The following AGBL4 variants were observed in gnomAD, a reference collection of about 807,000 sequenced individuals.
AGBL4 encodes the protein cytosolic carboxypeptidase 6.
Under a neutral mutation model 66.4 loss-of-function variants are expected in AGBL4, and 58 were observed. The ratio of observed to expected loss-of-function variants is 0.87; its 90% CI spans 0.71 to 1.09. AGBL4 has a LOEUF of 1.09. Among genes scored for constraint, AGBL4 ranks in the 50% least tolerant of loss-of-function variants. The probability of loss-of-function intolerance (pLI) is 0.00; values close to 1 mark genes in which losing one functional copy is unlikely to be tolerated. For synonymous variants in AGBL4, 234 were observed against 222.9 expected, an observed-to-expected ratio of 1.05 and a Z score of -0.44; for missense variants, 579 against 631.0, an observed-to-expected ratio of 0.92 and a Z score of 0.88.
chr1:49,251,306 G>A (rs1652041316), intron 3 of AGBL4, among the ~76,000 whole-genome samples: 1 of 152,156 alleles, frequency 6.6e-6, no homozygotes, highest in South Asian at 2.1e-4. Context: ...GTGTGTGTCT[G>A]CATGGGTGGA....
At position 49,354,644 on chromosome 1, in the gene AGBL4, C is replaced by T. The variant is rs540674510; in HGVS notation, c.283-108780G>A. ...CATGTAACATCTCTGATAGGTTCTTCGAAACTGTGACTTTAAGCAAAATGA... is the reference window on the plus strand; with the variant it reads ...CATGTAACATCTCTGATAGGTTCTTTGAAACTGTGACTTTAAGCAAAATGA... On this transcript the variant is annotated intron_variant, in intron 3 of 13. Transcript: ENST00000371839. Among the ~76,000 whole-genome samples, 37 of 152,216 alleles carry T rather than the reference C, an allele frequency of 2.4e-4. 1 individual carries two copies. Among genetic ancestry groups the T allele is most frequent in the African/African-American group, 7.7e-4 (32 of 41,532 alleles).
chr1:49,354,609 A>AT (rs1643980980), intron 3 of AGBL4, among the ~76,000 whole-genome samples: 1 of 152,244 alleles, frequency 6.6e-6, no homozygotes, highest in South Asian at 2.1e-4. Context: ...CCAAAAATAC[A>AT]GTAAAACCTC....
At chr1:48,710,577 T>A (rs970564378) in intron 6 of AGBL4, among the ~76,000 whole-genome samples, 3 of 152,164 alleles carry the variant, frequency 2.0e-5, no homozygotes, top group African/African-American at 7.2e-5. Context: ...CAGGGAGCCA[T>A]GGAAGGTTTA....
intron 11 of AGBL4, among the ~76,000 whole-genome samples, chr1:48,542,402 T>C (rs994067348): frequency 1.3e-5 from 2 of 152,232 alleles, no homozygotes; most frequent in African/African-American, 4.8e-5. Flanking sequence ...TTCTAGGTCC[T>C]TGAGGAATTG....
intron 3 of AGBL4, among the ~76,000 whole-genome samples, chr1:49,512,246 A>C (rs1247167702): frequency 6.6e-6 from 1 of 152,036 alleles, no homozygotes; most frequent in African/African-American, 2.4e-5. Context: ...CTGAGATTCA[A>C]AGTAAAGTGG....
intron 6 of AGBL4, among the ~76,000 whole-genome samples, chr1:48,811,333 G>T (rs1003253342): frequency 6.6e-6 from 1 of 152,162 alleles, no homozygotes; most frequent in Non-Finnish European, 1.5e-5. Flanking sequence ...GAGGAGAACT[G>T]CCCACAGTCA....
intron 5 of AGBL4, among the ~76,000 whole-genome samples, chr1:49,040,055 G>A (rs1643900206): frequency 6.6e-6 from 1 of 151,972 alleles, no homozygotes; most frequent in African/African-American, 2.4e-5. Context: ...AGACAGGCAT[G>A]GTTTGGAGGA....
chr1:49,258,257 C>T (rs188833989), intron 3 of AGBL4, among the ~76,000 whole-genome samples: 2 of 152,332 alleles, frequency 1.3e-5, no homozygotes, highest in East Asian at 3.9e-4. Flanking sequence ...GCCTCTCCTC[C>T]TCCAAAGGAA....
chr1:48,709,532 T>C (rs540862211), intron 6 of AGBL4, among the ~76,000 whole-genome samples: 2 of 151,944 alleles, frequency 1.3e-5, no homozygotes, highest in South Asian at 4.2e-4. Context: ...ACTTTACTTT[T>C]CAAATTAAAT....
chr1:49,043,822 A>G (rs888819945), intron 5 of AGBL4, among the ~76,000 whole-genome samples: 1 of 152,206 alleles, frequency 6.6e-6, no homozygotes, highest in Non-Finnish European at 1.5e-5. Context: ...TTTGTCTCTC[A>G]GTACCTGAGT....
At chr1:48,899,539 GA>G (rs1651885444) in intron 5 of AGBL4, among the ~76,000 whole-genome samples, 2 of 151,724 alleles carry the variant, frequency 1.3e-5, no homozygotes, top group African/African-American at 4.8e-5. Flanking sequence ...ATTTTCTCAA[GA>G]TACCAGGCTC....
intron 5 of AGBL4, among the ~76,000 whole-genome samples, chr1:49,020,699 A>G (rs1571247377): frequency 6.6e-6 from 1 of 152,294 alleles, no homozygotes; most frequent in Middle Eastern, 3.4e-3. Flanking sequence ...GAAAAGAAAC[A>G]GGAGCCCAGA....
At chr1:48,688,986 A>T (rs539160521) in intron 6 of AGBL4, among the ~76,000 whole-genome samples, 1 of 151,980 alleles carries the variant, frequency 6.6e-6, no homozygotes, top group Non-Finnish European at 1.5e-5. Flanking sequence ...ACCCACTAGT[A>T]TCTAGGACAT....
chr1:49,276,105 T>C (rs865839941), intron 3 of AGBL4, among the ~76,000 whole-genome samples: 5 of 151,470 alleles, frequency 3.3e-5, no homozygotes, highest in Middle Eastern at 3.4e-3. Flanking sequence ...TCCTACATTA[T>C]ATATATACAT....
intron 4 of AGBL4, among the ~76,000 whole-genome samples, chr1:49,213,723 A>C (rs1305125482): frequency 1.3e-5 from 2 of 152,122 alleles, no homozygotes; most frequent in Non-Finnish European, 2.9e-5. Flanking sequence ...ATATACAAGA[A>C]ACTCAAGCTC....
chr1:49,381,205 C>T (rs954215569), intron 3 of AGBL4, among the ~76,000 whole-genome samples: 3 of 152,128 alleles, frequency 2.0e-5, no homozygotes, highest in African/African-American at 4.8e-5. Context: ...AGACACTTCT[C>T]AAAAGAAGAC....
At chr1:49,210,526 C>T (rs549274183) in intron 4 of AGBL4, among the ~76,000 whole-genome samples, 1 of 152,192 alleles carries the variant, frequency 6.6e-6, no homozygotes, top group South Asian at 2.1e-4. Context: ...TAAACTGCCT[C>T]AAAATTTGCT....
intron 3 of AGBL4, among the ~76,000 whole-genome samples, chr1:49,555,690 A>G (rs192582467): frequency 6.6e-6 from 1 of 151,382 alleles, no homozygotes; most frequent in East Asian, 1.9e-4. Context: ...TTACAAGAAA[A>G]AAAAAAACCC....
At chr1:48,800,749 C>T (rs1645788498) in intron 6 of AGBL4, among the ~76,000 whole-genome samples, 1 of 152,094 alleles carries the variant, frequency 6.6e-6, no homozygotes, top group Non-Finnish European at 1.5e-5. Context: ...ATTGCTTACC[C>T]AAAATCATTC....
Sources: gnomAD v4.1 joint callset for allele counts (sites outside exome capture counted in the v4.1 genomes callset) on GRCh38, gnomAD v4.1.1 for gene constraint, MANE v1.5 for transcripts, NCBI Gene and HGNC (gene_info 2026-07-23, HGNC 2026-07-21) for gene names.